Variants in PTBP2 observed in about 807,000 individuals in gnomAD.
PTBP2 encodes the protein polypyrimidine tract binding protein 2, also known as polypyrimidine tract-binding protein 2.
A neutral mutation model predicts 61.4 loss-of-function variants in PTBP2; 13 were observed. The ratio of observed to expected loss-of-function variants is 0.21; its 90% CI spans 0.14 to 0.34. The LOEUF (loss-of-function observed/expected upper bound fraction) is 0.34, where lower values mean the gene tolerates loss of function less well. Ranked by LOEUF, PTBP2 falls within the 10% of genes least tolerant of loss-of-function variation. PTBP2 has a pLI of 1.00. For missense variants in PTBP2, 405 were observed against 642.6 expected (o/e 0.63, Z 4.00); for synonymous variants, 215 against 218.5 (o/e 0.98, Z 0.14).
rs1662253239 is a variant in PTBP2 at position 96,813,335 on chromosome 1, T to C, written c.1526T>C (p.Ile509Thr). The change falls in exon 14 of 14, where the codon ATT becomes ACT. Residue 509 changes from isoleucine (I) to threonine (T), a missense_variant. By Grantham distance (89) the Ile-to-Thr change is moderately conservative. Transcript: ENST00000674951. ...GTGGAAGAAGCTATTCAGGCCTTGA[T>C]TGATCTTCATAATTATAACCTTGGA... ...ATVEEAIQAL[I>T]DLHNYNLGEN... The C allele has an allele frequency of 1.2e-6, 2 of 1,608,138 alleles. No individual in the cohort carries two copies. Among genetic ancestry groups the C allele is most frequent in the African/African-American group, 1.3e-5 (1 of 74,756 alleles).
At chr1:96,736,421 T>G (rs1240080349) in intron 2 of PTBP2, among the ~76,000 whole-genome samples, 2 of 152,080 alleles carry the variant, frequency 1.3e-5, no homozygotes, top group Non-Finnish European at 2.9e-5. Flanking sequence ...GTAGAGACAC[T>G]GGAGTTTGAG....
intron 3 of PTBP2, among the ~76,000 whole-genome samples, chr1:96,753,245 A>G (rs1429944561): frequency 6.6e-6 from 1 of 152,162 alleles, no homozygotes; most frequent in Non-Finnish European, 1.5e-5. Flanking sequence ...ACTCTGAAAC[A>G]TTGGAGTTCT....
At chr1:96,796,731 C>T (rs960891771) in intron 8 of PTBP2, among the ~76,000 whole-genome samples, 6 of 151,966 alleles carry the variant, frequency 3.9e-5, no homozygotes, top group African/African-American at 1.5e-4. Flanking sequence ...AGCAAATGAG[C>T]AGAGTGTTGG....
At chr1:96,723,201 A>T (rs1474969798) in intron 1 of PTBP2, among the ~76,000 whole-genome samples, 1 of 152,170 alleles carries the variant, frequency 6.6e-6, no homozygotes, top group Non-Finnish European at 1.5e-5. Context: ...TTGCACTAGA[A>T]TTCATGTTTC....
At chr1:96,819,381 A>G (rs1035935718), downstream of PTBP2, 2 of 151,942 alleles carry the variant, frequency 1.3e-5, no homozygotes, top group Non-Finnish European at 2.9e-5. Context: ...AAATATTCTT[A>G]TGGCTAGCAA....
chr1:96,771,621 T>TTAATTAAATTTAA (rs1657391566), intron 5 of PTBP2: 1 of 152,020 alleles, frequency 6.6e-6, no homozygotes, highest in Admixed American at 6.5e-5. Flanking sequence ...GATGATGAGT[T>TTAATTAAATTTAA]TTTAATTTCT....
At chr1:96,747,324 C>T (rs771794348) in intron 2 of PTBP2, among the ~76,000 whole-genome samples, 4 of 151,982 alleles carry the variant, frequency 2.6e-5, no homozygotes, top group Non-Finnish European at 5.9e-5. Context: ...TGCTGTGATA[C>T]GGTTTCTTAT....
chr1:96,786,296 A>G lies in PTBP2; in HGVS notation c.904+1042A>G, dbSNP rs1570942480. On this transcript the variant is annotated intron_variant, in intron 8 of 13. Transcript: ENST00000674951. The stretch of plus-strand genomic sequence containing the variant: ...TTGATTCTGGTAACTAATAAGAATT[A>G]ACTACCTGTTAATTCTGGCAGCTGC... Among the ~76,000 whole-genome samples, 9 of 152,308 alleles carry G rather than the reference A, an allele frequency of 5.9e-5. No homozygotes were observed. The South Asian group carries it at 1.7e-3, about 28-fold the overall frequency.
intron 2 of PTBP2, among the ~76,000 whole-genome samples, chr1:96,749,235 C>G (rs570153596): frequency 1.8e-4 from 28 of 152,208 alleles, no homozygotes; most frequent in Admixed American, 5.2e-4. Flanking sequence ...AGATTCCCCA[C>G]CTATCGTCTT....
intron 11 of PTBP2, among the ~76,000 whole-genome samples, chr1:96,808,889 C>T (rs190895094): frequency 2.6e-5 from 4 of 151,968 alleles, no homozygotes; most frequent in African/African-American, 7.3e-5. Flanking sequence ...AAAAGATTAT[C>T]AAACTTGGTA....
At chr1:96,770,504 G>A (rs12735550) in intron 4 of PTBP2, among the ~76,000 whole-genome samples, 44,316 of 151,738 alleles carry the variant, frequency 0.29, 7,197 homozygotes, top group East Asian at 0.44. Flanking sequence ...CAGAAGCAGC[G>A]TGTACTCGGT....
intron 2 of PTBP2, among the ~76,000 whole-genome samples, chr1:96,732,288 G>C (rs1436102175): frequency 1.3e-5 from 2 of 151,994 alleles, no homozygotes; most frequent in Non-Finnish European, 2.9e-5. Flanking sequence ...TCAAAACTTT[G>C]GGTTTTTAGG....
At chr1:96,742,521 G>T (rs1011751793) in intron 2 of PTBP2, among the ~76,000 whole-genome samples, 5 of 151,946 alleles carry the variant, frequency 3.3e-5, no homozygotes, top group African/African-American at 4.8e-5. Context: ...TATTTTACTG[G>T]TCTTTTCAAA....
rs546779971 is a variant in PTBP2 at position 96,723,032 on chromosome 1, T to C, written c.9-532T>C. 1.4e-4 allele frequency among the ~76,000 whole-genome samples: 21 copies of C among 152,336 alleles called. No individual in the cohort carries two copies. The South Asian group carries it at 3.5e-3, about 26-fold the overall frequency. On this transcript the variant is annotated intron_variant, in intron 1 of 13. Coordinates refer to ENST00000674951, the MANE Select transcript of PTBP2 (RefSeq NM_021190.4). ...TTGGTTAAGCGCCTAGAGTTTGGTG[T>C]GTTTTAAAAGGTACTAAAAACAAGA...
intron 10 of PTBP2, 75 bp downstream of exon 10, chr1:96,806,527 C>T: frequency 1.4e-6 from 2 of 1,463,640 alleles, no homozygotes; most frequent in Admixed American, 1.7e-5. Context: ...TTGTAGCTAG[C>T]ACTTTGGCTT....
chr1:96,732,553 A>G (rs1425060261), intron 2 of PTBP2, among the ~76,000 whole-genome samples: 1 of 152,228 alleles, frequency 6.6e-6, no homozygotes, highest in Admixed American at 6.5e-5. Context: ...AGGCTTTAAT[A>G]TGCTCATACT....
intron 8 of PTBP2, among the ~76,000 whole-genome samples, chr1:96,794,807 A>G (rs551996689): frequency 6.6e-6 from 1 of 152,308 alleles, no homozygotes; most frequent in African/African-American, 2.4e-5. Context: ...TTATGGGCCA[A>G]AAACAGCATG....
intron 2 of PTBP2, among the ~76,000 whole-genome samples, chr1:96,729,944 GC>G (rs1224124804): frequency 6.6e-6 from 1 of 151,906 alleles, no homozygotes; most frequent in African/African-American, 2.4e-5. Context: ...CACTATGTTG[GC>G]CAGGTTGGTC....
chr1:96,730,069 A>G (rs574137948), intron 2 of PTBP2, among the ~76,000 whole-genome samples: 3 of 152,256 alleles, frequency 2.0e-5, no homozygotes, highest in African/African-American at 7.2e-5. Context: ...TTGAATCCTT[A>G]GTGATGTCAG....
Sources: gnomAD v4.1 joint callset for allele counts (sites outside exome capture counted in the v4.1 genomes callset) on GRCh38, gnomAD v4.1.1 for gene constraint, MANE v1.5 for transcripts, NCBI Gene and HGNC (gene_info 2026-07-23, HGNC 2026-07-21) for gene names.